FBXO28: variants seen among roughly 807,000 people sequenced by gnomAD.
FBXO28 encodes F-box protein 28, also known as F-box only protein 28.
FBXO28 carries 8 observed loss-of-function variants against 38.1 expected under a neutral mutation model. The observed-to-expected ratio is 0.21, with a 90% confidence interval of 0.12 to 0.38. The LOEUF (loss-of-function observed/expected upper bound fraction) is 0.38. FBXO28 is among the 10% of genes least tolerant of loss of function. The pLI is 1.00. For synonymous variants in FBXO28, 168 were observed against 173.8 expected, an observed-to-expected ratio of 0.97 and a Z score of 0.26; for missense variants, 345 against 460.6, an observed-to-expected ratio of 0.75 and a Z score of 2.30.
chr1:224,114,950 A>C (rs1656611997), intron 1 of FBXO28, among the ~76,000 whole-genome samples: 1 of 152,200 alleles, frequency 6.6e-6, no homozygotes. Context: ...GAAGAATTCG[A>C]ACGTGTTTAC....
intron 3 of FBXO28, among the ~76,000 whole-genome samples, chr1:224,149,636 TA>T (rs11358248): frequency 0.93 from 140,912 of 152,266 alleles, 66,085 homozygotes; most frequent in Non-Finnish European, 1. Context: ...CAGATGCTGC[TA>T]GGCTCTGGGG....
At chr1:224,117,393 C>G (rs1027428239) in intron 1 of FBXO28, among the ~76,000 whole-genome samples, 1 of 151,796 alleles carries the variant, frequency 6.6e-6, no homozygotes, top group African/African-American at 2.4e-5. Context: ...GTCTCGAACT[C>G]CTGAGCTCAG....
rs1657857326 is a variant in FBXO28, at chr1:224,159,788, G to A, written c.*2042G>A. On this transcript the variant is annotated 3_prime_UTR_variant, in exon 5 of 5. Transcript: ENST00000366862. ...TATGCATCAAAGGGATACAGCCCCA[G>A]ACTGTTTCTTTAATGGTCATTCATG... is the stretch of plus-strand genomic sequence containing the variant. 6.6e-6 allele frequency: 1 copy of A among 152,058 alleles called. No homozygotes were observed. Among genetic ancestry groups the A allele is most frequent in the Non-Finnish European group, 1.5e-5 (1 of 68,010 alleles). The allele number at this position is 152,058 out of a possible 1,614,324, so 9.4% of individuals were successfully genotyped here.
In FBXO28 at chr1:224,158,930, C is replaced by T. The variant is rs1657832593; in HGVS notation, c.*1184C>T. On this transcript the variant is annotated 3_prime_UTR_variant, in exon 5 of 5. Transcript: ENST00000366862. ...GCTTTCCTTACCCTACAACTTTAAACAAAAGCTTTAATTTTGTTTGCACTC... is the reference window on the plus strand; with the variant it reads ...GCTTTCCTTACCCTACAACTTTAAATAAAAGCTTTAATTTTGTTTGCACTC... The T allele has an allele frequency of 6.6e-6, 1 of 152,594 alleles. No homozygotes were observed. Among genetic ancestry groups the T allele is most frequent in the Non-Finnish European group, 1.5e-5 (1 of 68,028 alleles). The allele number at this position is 152,594 out of a possible 1,614,324, so 9.5% of individuals were successfully genotyped here. A position where few individuals can be genotyped will look rare whatever the true frequency, so the allele number is the denominator to read the frequency against.
At chr1:224,141,875 TACTGAG>T (rs1657362713) in intron 3 of FBXO28, among the ~76,000 whole-genome samples, 2 of 148,882 alleles carry the variant, frequency 1.3e-5, no homozygotes, top group South Asian at 4.3e-4. Context: ...AAACACTGCA[TACTGAG>T]GCTACATTAA....
intron 1 of FBXO28, among the ~76,000 whole-genome samples, chr1:224,117,869 C>T (rs1401431805): frequency 3.3e-5 from 5 of 151,524 alleles, no homozygotes; most frequent in African/African-American, 4.9e-5. Context: ...ATTAGCCAGG[C>T]GTGGTGGCAC....
chr1:224,144,322 A>G (rs1201510768), intron 3 of FBXO28, among the ~76,000 whole-genome samples: 1 of 152,042 alleles, frequency 6.6e-6, no homozygotes, highest in Non-Finnish European at 1.5e-5. Context: ...ATTGCCAGGC[A>G]TGGTGGCACA....
chr1:224,121,932 C>T (rs139253824), intron 1 of FBXO28, among the ~76,000 whole-genome samples: 346 of 152,258 alleles, frequency 2.3e-3, no homozygotes, highest in African/African-American at 7.8e-3. Flanking sequence ...TGCACCACCA[C>T]GCCTGGCTAA....
intron 3 of FBXO28, 134 bp from the exon 4 acceptor site, chr1:224,153,008 C>T: frequency 1.8e-6 from 1 of 568,208 alleles, no homozygotes; most frequent in East Asian, 3.3e-5. Flanking sequence ...TCATCAGTGG[C>T]CAGTACATCA....
chr1:224,141,572 G>A (rs999952017), intron 3 of FBXO28, among the ~76,000 whole-genome samples: 2 of 152,078 alleles, frequency 1.3e-5, no homozygotes, highest in Non-Finnish European at 2.9e-5. Flanking sequence ...ATACATCATA[G>A]AGTGTATTTA....
At position 224,157,519 on chromosome 1, in the gene FBXO28, A is replaced by C; in HGVS notation, c.880A>C (p.Lys294Gln). The C allele has an allele frequency of 6.2e-7, 1 of 1,614,258 alleles. No homozygotes were observed. The highest frequency in any genetic ancestry group is 8.5e-7 in the Non-Finnish European group (1 of 1,180,054). ...TCGCACCAAAGTGCAAGAACAGCAA[A>C]AACAGCTTCAAGACCAGGACCAGAA... Reference protein sequence around the residue: ...ELRTKVQEQQKQLQDQDQKLL... With the variant: ...ELRTKVQEQQQQLQDQDQKLL... The change falls in exon 5 of 5, where the codon AAA becomes CAA. Residue 294 changes from lysine (K) to glutamine (Q), a missense_variant. Lys to Gln is a moderately conservative substitution (Grantham distance 53). Transcript: ENST00000366862.
At chr1:224,142,674 G>A (rs567234232) in intron 3 of FBXO28, among the ~76,000 whole-genome samples, 1 of 152,182 alleles carries the variant, frequency 6.6e-6, no homozygotes, top group Admixed American at 6.5e-5. Context: ...AAATTGCCAG[G>A]CACAGTGGCT....
intron 1 of FBXO28, among the ~76,000 whole-genome samples, chr1:224,115,992 A>G (rs1210478001): frequency 2.6e-5 from 4 of 152,218 alleles, no homozygotes; most frequent in Non-Finnish European, 4.4e-5. Flanking sequence ...AATAAATGAC[A>G]TCTCTGTCAG....
Position 224,159,808 on chromosome 1 carries a change from T to G in FBXO28, c.*2062T>G, listed in dbSNP as rs1049509904. On this transcript the variant is annotated 3_prime_UTR_variant, in exon 5 of 5. Transcript: ENST00000366862. ...CCCCAGACTGTTTCTTTAATGGTCA[T>G]TCATGAACTATTAAAAATTTCCTGA... is the stretch of plus-strand genomic sequence containing the variant. The G allele has an allele frequency of 2.6e-5, 4 of 152,210 alleles. No individual in the cohort carries two copies. Among genetic ancestry groups the G allele is most frequent in the Non-Finnish European group, 5.9e-5 (4 of 68,050 alleles). 9.4% of individuals were successfully genotyped at this position (152,210 alleles called of 1,614,324 possible).
chr1:224,121,965 A>G (rs2102610574), intron 1 of FBXO28, among the ~76,000 whole-genome samples: 1 of 152,196 alleles, frequency 6.6e-6, no homozygotes, highest in Non-Finnish European at 1.5e-5. Flanking sequence ...TGGTAGAGAC[A>G]GGGTTTCACC....
At chr1:224,150,700 A>G (rs1317800462) in intron 3 of FBXO28, among the ~76,000 whole-genome samples, 2 of 152,102 alleles carry the variant, frequency 1.3e-5, no homozygotes, top group Non-Finnish European at 2.9e-5. Context: ...TTTTCTCCCC[A>G]TATCTTCAAT....
At chr1:224,146,408 G>A (rs1401319) in intron 3 of FBXO28, among the ~76,000 whole-genome samples, 149,064 of 152,218 alleles carry the variant, frequency 0.98, 73,069 homozygotes, top group East Asian at 1. Flanking sequence ...ATGAGGTTCA[G>A]TATTCTAGCA....
At chr1:224,142,376 C>T (rs1229299951) in intron 3 of FBXO28, among the ~76,000 whole-genome samples, 1 of 151,884 alleles carries the variant, frequency 6.6e-6, no homozygotes, top group African/African-American at 2.4e-5. Context: ...GGGGGACAGG[C>T]ATGGTGGCTC....
At chr1:224,122,663 A>C (rs1022431370) in intron 1 of FBXO28, among the ~76,000 whole-genome samples, 1 of 151,914 alleles carries the variant, frequency 6.6e-6, no homozygotes, top group Non-Finnish European at 1.5e-5. Context: ...TTTGAAGACT[A>C]GGCCAGATGG....
Sources: allele counts gnomAD v4.1 joint callset (sites outside exome capture counted in the v4.1 genomes callset), GRCh38; gene constraint gnomAD v4.1.1; transcripts MANE v1.5; gene names NCBI Gene and HGNC (gene_info 2026-07-23, HGNC 2026-07-21).